The following ARHGAP20 variants were observed in gnomAD, a reference collection of about 807,000 sequenced individuals.
The protein encoded by ARHGAP20 is rho GTPase-activating protein 20.
Under a neutral mutation model 73.7 loss-of-function variants are expected in ARHGAP20, and 34 were observed. The observed-to-expected ratio is 0.46, with a 90% CI of 0.35 to 0.61. The LOEUF (loss-of-function observed/expected upper bound fraction) is 0.61, where lower values mean the gene tolerates loss of function less well. ARHGAP20 is among the 20% of genes least tolerant of loss of function. ARHGAP20 has a pLI of 0.00. For synonymous variants in ARHGAP20, 523 were observed against 518.2 expected (o/e 1.01, Z -0.13); for missense variants, 1,314 against 1,420.9 (o/e 0.92, Z 1.21).
intron 1 of ARHGAP20, among the ~76,000 whole-genome samples, chr11:110,698,875 T>G (rs1950389377): frequency 6.6e-6 from 1 of 151,824 alleles, no homozygotes; most frequent in Non-Finnish European, 1.5e-5. Context: ...ACTTTTTGTT[T>G]CACTGATCCT....
In ARHGAP20 at chr11:110,577,763, A is replaced by G; in HGVS notation, c.*1607T>C. ...AAGATCATTGTAATGGTTAGCGCAAACAGGGCCATGTCCCCAAGAGGTAGG... is the reference window on the plus strand; with the variant it reads ...AAGATCATTGTAATGGTTAGCGCAAGCAGGGCCATGTCCCCAAGAGGTAGG... On this transcript the variant is annotated 3_prime_UTR_variant, in exon 15 of 15. Coordinates refer to ENST00000683387, the MANE Select transcript of ARHGAP20 (RefSeq NM_001384657.1). The G allele has an allele frequency of 2.0e-6, 2 of 985,874 alleles. No individual in the cohort carries two copies. The highest frequency in any genetic ancestry group is 2.4e-6 in the Non-Finnish European group (2 of 829,940). The allele number at this position is 985,874 out of a possible 1,614,324, so 61.1% of individuals were successfully genotyped here.
At chr11:110,652,986 T>A (rs771186685) in intron 2 of ARHGAP20, among the ~76,000 whole-genome samples, 1 of 152,166 alleles carries the variant, frequency 6.6e-6, no homozygotes, top group Non-Finnish European at 1.5e-5. Flanking sequence ...ACCTGTTTGA[T>A]AAATGGTGCT....
chr11:110,674,629 A>ATT (rs1297389684), intron 2 of ARHGAP20, among the ~76,000 whole-genome samples: 2 of 151,942 alleles, frequency 1.3e-5, no homozygotes, highest in South Asian at 2.1e-4. Context: ...AAGATTTCTC[A>ATT]TTATATATAT....
At chr11:110,708,113 C>G (rs1394302216) in intron 1 of ARHGAP20, among the ~76,000 whole-genome samples, 1 of 152,024 alleles carries the variant, frequency 6.6e-6, no homozygotes, top group Non-Finnish European at 1.5e-5. Context: ...AGACACTTCA[C>G]CAAAGATAAC....
chr11:110,701,820 C>A (rs1056293198), intron 1 of ARHGAP20, among the ~76,000 whole-genome samples: 8 of 151,928 alleles, frequency 5.3e-5, no homozygotes, highest in African/African-American at 1.7e-4. Context: ...GTTTTCCCAG[C>A]ACCATTTATT....
intron 3 of ARHGAP20, among the ~76,000 whole-genome samples, chr11:110,624,884 G>A (rs190449634): frequency 2.8e-4 from 43 of 152,140 alleles, no homozygotes; most frequent in Non-Finnish European, 1.5e-5. Flanking sequence ...GTCGAGCATT[G>A]CATTTAGATC....
At chr11:110,629,131 T>C (rs534873563) in intron 3 of ARHGAP20, among the ~76,000 whole-genome samples, 3 of 151,466 alleles carry the variant, frequency 2.0e-5, no homozygotes, top group South Asian at 4.2e-4. Flanking sequence ...GTTTAGAAAA[T>C]TGGTTATTAT....
intron 2 of ARHGAP20, among the ~76,000 whole-genome samples, chr11:110,657,878 G>A (rs1468916819): frequency 6.7e-6 from 1 of 150,192 alleles, no homozygotes; most frequent in Non-Finnish European, 1.5e-5. Context: ...CTGGGTGACA[G>A]AGTGAGACTC....
At chr11:110,649,380 C>T (rs919243321) in intron 2 of ARHGAP20, among the ~76,000 whole-genome samples, 16 of 150,884 alleles carry the variant, frequency 1.1e-4, no homozygotes, top group South Asian at 2.1e-4. Flanking sequence ...AAACAAGAAA[C>T]AAAACAAAAA....
At chr11:110,620,325 C>CT (rs1332754656) in intron 4 of ARHGAP20, among the ~76,000 whole-genome samples, 2 of 151,994 alleles carry the variant, frequency 1.3e-5, no homozygotes, top group East Asian at 1.9e-4. Flanking sequence ...AATATTTTGA[C>CT]TTTTTTGTAG....
At chr11:110,627,551 G>A (rs11822500) in intron 3 of ARHGAP20, among the ~76,000 whole-genome samples, 3,625 of 152,116 alleles carry the variant, frequency 0.024, 126 homozygotes, top group African/African-American at 0.076. Flanking sequence ...TCTAAGATAG[G>A]GATGTCTTAT....
At chr11:110,650,467 C>G (rs1234726833) in intron 2 of ARHGAP20, among the ~76,000 whole-genome samples, 2 of 151,998 alleles carry the variant, frequency 1.3e-5, no homozygotes, top group Admixed American at 6.6e-5. Context: ...CTGGTAATCA[C>G]CACAGTTCCA....
At position 110,695,685 on chromosome 11, in the gene ARHGAP20, G is replaced by T. The variant is rs1330593740; in HGVS notation, c.106-5056C>A. Reference sequence around the variant, plus strand: ...ATAAAAAAAGATAATTACAAGTGTTGGTGAGGATTGGAGACTGGACTCTTA... The same window carrying T: ...ATAAAAAAAGATAATTACAAGTGTTTGTGAGGATTGGAGACTGGACTCTTA... On this transcript the variant is annotated intron_variant, in intron 1 of 14. Transcript: ENST00000683387. 2.0e-5 allele frequency among the ~76,000 whole-genome samples: 3 copies of T among 151,668 alleles called. No individual in the cohort carries two copies. The East Asian group carries it at 5.8e-4, about 29-fold the overall frequency.
chr11:110,651,601 T>A (rs1454146159), intron 2 of ARHGAP20, among the ~76,000 whole-genome samples: 1 of 151,882 alleles, frequency 6.6e-6, no homozygotes, highest in African/African-American at 2.4e-5. Flanking sequence ...TAAACACCTC[T>A]AAGCAAATAA....
At chr11:110,654,891 G>T (rs1034488964) in intron 2 of ARHGAP20, among the ~76,000 whole-genome samples, 1 of 152,128 alleles carries the variant, frequency 6.6e-6, no homozygotes, top group Non-Finnish European at 1.5e-5. Context: ...TTAATCTAGG[G>T]GTTGGGAGAA....
chr11:110,668,771 A>G (rs1299162937), intron 2 of ARHGAP20, among the ~76,000 whole-genome samples: 1 of 152,232 alleles, frequency 6.6e-6, no homozygotes, highest in Non-Finnish European at 1.5e-5. Context: ...AATTCATGCA[A>G]CTCACTTTAA....
chr11:110,636,430 T>C (rs568074193), intron 2 of ARHGAP20, among the ~76,000 whole-genome samples: 32 of 152,280 alleles, frequency 2.1e-4, no homozygotes, highest in African/African-American at 7.7e-4. Context: ...TTAATTAGGC[T>C]ATTTTTAAAA....
At chr11:110,692,454 C>G (rs1950261568) in intron 1 of ARHGAP20, among the ~76,000 whole-genome samples, 1 of 151,916 alleles carries the variant, frequency 6.6e-6, no homozygotes, top group South Asian at 2.1e-4. Flanking sequence ...TGAAATGTAC[C>G]CACTCTTGTA....
At chr11:110,609,893 G>A (rs1424068251) in intron 7 of ARHGAP20, among the ~76,000 whole-genome samples, 1 of 152,040 alleles carries the variant, frequency 6.6e-6, no homozygotes, top group African/African-American at 2.4e-5. Context: ...GTCAAAAAAT[G>A]TGTTGTAAAT....
Sources: allele counts gnomAD v4.1 joint callset (sites outside exome capture counted in the v4.1 genomes callset), GRCh38; gene constraint gnomAD v4.1.1; transcripts MANE v1.5; gene names NCBI Gene and HGNC (gene_info 2026-07-23, HGNC 2026-07-21).